Variants in PTPRR observed in about 807,000 individuals in gnomAD.
PTPRR encodes the protein protein tyrosine phosphatase receptor type R.
PTPRR carries 38 observed loss-of-function variants against 77.2 expected under a neutral mutation model. The ratio of observed to expected loss-of-function variants is 0.49; its 90% CI spans 0.38 to 0.65. The LOEUF (loss-of-function observed/expected upper bound fraction) is 0.65. Among genes scored for constraint, PTPRR ranks in the 30% least tolerant of loss-of-function variants. PTPRR has a pLI of 0.00. For missense variants in PTPRR, 744 were observed against 799.2 expected, an observed-to-expected ratio of 0.93 and a Z score of 0.83; for synonymous variants, 299 against 283.1, an observed-to-expected ratio of 1.06 and a Z score of -0.57.
chr12:70,766,261 T>C (rs1379597645), intron 2 of PTPRR, among the ~76,000 whole-genome samples: 1 of 152,070 alleles, frequency 6.6e-6, no homozygotes, highest in Non-Finnish European at 1.5e-5. Flanking sequence ...AGTTGAAAAC[T>C]TTGAAAAAAA....
chr12:70,783,666 C>A (rs558912263), intron 2 of PTPRR, among the ~76,000 whole-genome samples: 89 of 146,008 alleles, frequency 6.1e-4, no homozygotes, highest in African/African-American at 2.4e-3. Context: ...GACTGGCGGC[C>A]CCGGACCCCA....
At chr12:70,855,275 T>C (rs537598237) in intron 2 of PTPRR, among the ~76,000 whole-genome samples, 2 of 152,308 alleles carry the variant, frequency 1.3e-5, no homozygotes, top group African/African-American at 4.8e-5. Context: ...CCATGCAGAA[T>C]TGAAGCTTAG....
intron 4 of PTPRR, among the ~76,000 whole-genome samples, chr12:70,755,382 T>C (rs1890536406): frequency 6.6e-6 from 1 of 152,162 alleles, no homozygotes; most frequent in South Asian, 2.1e-4. Flanking sequence ...GCTAATTTAT[T>C]TTTAAGGCTT....
At chr12:70,856,254 A>G (rs1328191092) in intron 2 of PTPRR, among the ~76,000 whole-genome samples, 1 of 152,172 alleles carries the variant, frequency 6.6e-6, no homozygotes, top group Non-Finnish European at 1.5e-5. Context: ...GGTGGGGAGA[A>G]AGACATTCCA....
At position 70,761,542 on chromosome 12, in the gene PTPRR, G is replaced by A; in HGVS notation, c.556C>T (p.Leu186Phe). The A allele has an allele frequency of 6.2e-7, 1 of 1,612,564 alleles. No individual in the cohort carries two copies. Among genetic ancestry groups the A allele is most frequent in the East Asian group, 2.2e-5 (1 of 44,788 alleles). The change falls in exon 4 of 14, where the codon CTT becomes TTT. Residue 186 changes from leucine (L) to phenylalanine (F), a missense_variant. Leu to Phe is a conservative substitution (Grantham distance 22, BLOSUM62 0). This residue lies in a region of PTPRR where 570 missense variants were observed against 573.2 expected (regional missense o/e 0.99). Transcript: ENST00000283228. The part of the protein sequence containing the change: ...ISDALPSEEV[L>F]RSLNINVLHQ... ...AAAACATTGATATTAAGTGAACGAA[G>A]AACTTCCTCAGAGGGCAGAGCATCA...
intron 5 of PTPRR, among the ~76,000 whole-genome samples, chr12:70,753,595 T>C (rs1474564021): frequency 6.6e-6 from 1 of 152,148 alleles, no homozygotes; most frequent in Non-Finnish European, 1.5e-5. Context: ...AACATGCTTT[T>C]AAAGGCTACA....
intron 7 of PTPRR, among the ~76,000 whole-genome samples, chr12:70,699,610 C>A (rs1410748111): frequency 6.6e-6 from 1 of 152,166 alleles, no homozygotes; most frequent in African/African-American, 2.4e-5. Context: ...CAACACCTGG[C>A]CCCAAGTTAC....
At chr12:70,725,102 T>A (rs1027558591) in intron 6 of PTPRR, among the ~76,000 whole-genome samples, 5 of 152,152 alleles carry the variant, frequency 3.3e-5, no homozygotes, top group African/African-American at 1.2e-4. Context: ...AAGGGCATCT[T>A]ATATTATATC....
At chr12:70,905,938 A>C (rs1270011594) in intron 1 of PTPRR, among the ~76,000 whole-genome samples, 1 of 152,030 alleles carries the variant, frequency 6.6e-6, no homozygotes, top group Non-Finnish European at 1.5e-5. Context: ...AGGAGAGATA[A>C]ATGGATAGCA....
intron 2 of PTPRR, among the ~76,000 whole-genome samples, chr12:70,797,527 T>C (rs923125704): frequency 2.6e-5 from 4 of 152,184 alleles, no homozygotes; most frequent in African/African-American, 9.6e-5. Context: ...AAGCAAATCA[T>C]CTACAGTTTC....
intron 6 of PTPRR, among the ~76,000 whole-genome samples, chr12:70,718,529 G>T (rs1889122190): frequency 1.3e-5 from 2 of 152,118 alleles, no homozygotes; most frequent in Non-Finnish European, 2.9e-5. Context: ...CTCCCAAAAT[G>T]CTGGGATTAC....
intron 2 of PTPRR, among the ~76,000 whole-genome samples, chr12:70,838,944 G>A (rs551631176): frequency 1.8e-4 from 28 of 152,212 alleles, no homozygotes; most frequent in Admixed American, 3.3e-4. Context: ...ACACAAATCT[G>A]TAGATTACAC....
chr12:70,766,243 G>A (rs1045430344), intron 2 of PTPRR, among the ~76,000 whole-genome samples: 4 of 152,080 alleles, frequency 2.6e-5, no homozygotes, highest in African/African-American at 4.8e-5. Context: ...TCAAACCAAA[G>A]GCAAAGAAGT....
chr12:70,661,446 G>A (rs1886797763), intron 11 of PTPRR, among the ~76,000 whole-genome samples: 1 of 152,084 alleles, frequency 6.6e-6, no homozygotes, highest in Admixed American at 6.5e-5. Context: ...GATATATTTT[G>A]TTTCCTGCTC....
intron 1 of PTPRR, among the ~76,000 whole-genome samples, chr12:70,916,604 A>C (rs567789812): frequency 1.3e-4 from 19 of 149,248 alleles, no homozygotes; most frequent in Non-Finnish European, 2.1e-4. Flanking sequence ...TTGACTATGC[A>C]CTTCTCTGAG....
chr12:70,841,648 T>C (rs535733309), intron 2 of PTPRR, among the ~76,000 whole-genome samples: 29 of 152,338 alleles, frequency 1.9e-4, no homozygotes, highest in African/African-American at 7.0e-4. Context: ...TAAGTCTGAC[T>C]TTACCTAGTA....
intron 8 of PTPRR, among the ~76,000 whole-genome samples, chr12:70,691,913 C>G (rs1166275283): frequency 1.3e-5 from 2 of 152,190 alleles, no homozygotes; most frequent in Admixed American, 6.5e-5. Context: ...AAAATCTGAT[C>G]ACATGATTCC....
intron 2 of PTPRR, among the ~76,000 whole-genome samples, chr12:70,875,449 G>A (rs1448013018): frequency 1.3e-5 from 2 of 152,044 alleles, no homozygotes; most frequent in East Asian, 3.9e-4. Flanking sequence ...AATGAAGTGG[G>A]TAAAAGAATG....
chr12:70,807,414 A>G (rs1167402621), intron 2 of PTPRR, among the ~76,000 whole-genome samples: 1 of 152,206 alleles, frequency 6.6e-6, no homozygotes, highest in Non-Finnish European at 1.5e-5. Context: ...TCATCATGTC[A>G]TACAATAGAT....
Sources: gnomAD v4.1 joint callset for allele counts (sites outside exome capture counted in the v4.1 genomes callset) on GRCh38, gnomAD v4.1.1 for gene constraint, gnomAD v4.1.1 regional missense constraint, MANE v1.5 for transcripts, NCBI Gene and HGNC (gene_info 2026-07-23, HGNC 2026-07-21) for gene names.